CDH18: variants seen among roughly 807,000 people sequenced by gnomAD.
CDH18 encodes the protein cadherin 18, also known as cadherin-18.
A neutral mutation model predicts 67.9 loss-of-function variants in CDH18; 31 were observed. The ratio of observed to expected loss-of-function variants is 0.46; its 90% CI spans 0.34 to 0.62. CDH18 has a LOEUF of 0.62. Ranked by LOEUF, CDH18 falls within the 20% of genes least tolerant of loss-of-function variation. The pLI, the probability that CDH18 is intolerant of heterozygous loss-of-function variation, is 0.01. For synonymous variants in CDH18, 362 were observed against 347.2 expected (o/e 1.04, Z -0.48); for missense variants, 890 against 975.5 (o/e 0.91, Z 1.17).
intron 2 of CDH18, among the ~76,000 whole-genome samples, chr5:19,921,874 C>A (rs1007440167): frequency 6.6e-6 from 1 of 151,654 alleles, no homozygotes; most frequent in Non-Finnish European, 1.5e-5. Context: ...ATAAATATCA[C>A]TAGATACAAC....
At chr5:19,966,739 C>T (rs533855049) in intron 2 of CDH18, among the ~76,000 whole-genome samples, 39 of 151,894 alleles carry the variant, frequency 2.6e-4, no homozygotes, top group African/African-American at 9.2e-4. Context: ...GTTATATATG[C>T]GTGCTTATTC....
chr5:20,280,914 A>C (rs1746209938), intron 1 of CDH18, among the ~76,000 whole-genome samples: 2 of 152,116 alleles, frequency 1.3e-5, no homozygotes, highest in African/African-American at 4.8e-5. Context: ...CTGGTGTGAG[A>C]TGGTATCTCA....
At chr5:19,774,808 C>CAAAAAAAAAAAAAAAAAAAAAA (rs59248561) in intron 3 of CDH18, among the ~76,000 whole-genome samples, 3 of 35,416 alleles carry the variant, frequency 8.5e-5, no homozygotes, top group Non-Finnish European at 1.0e-4. Context: ...GACTCTGTCT[C>CAAAAAAAAAAAAAAAAAAAAAA]AAAAAAAAAA....
At chr5:20,259,140 T>C (rs1180639606) in intron 1 of CDH18, among the ~76,000 whole-genome samples, 4 of 151,610 alleles carry the variant, frequency 2.6e-5, no homozygotes, top group Admixed American at 2.6e-4. Flanking sequence ...AGCACAAGAG[T>C]GAAAGTCTAA....
chr5:19,509,527 T>C (rs568632807), intron 10 of CDH18, among the ~76,000 whole-genome samples: 1 of 152,328 alleles, frequency 6.6e-6, no homozygotes, highest in East Asian at 1.9e-4. Flanking sequence ...CATACATTTA[T>C]TTGATAACAT....
In CDH18 at chr5:20,525,801, TACACAC is replaced by T. The variant is rs61256041; in HGVS notation, c.-580+49655_-580+49660del. 5.0e-3 allele frequency among the ~76,000 whole-genome samples: 746 copies of T among 148,934 alleles called. 5 individuals carry two copies. The highest frequency in any genetic ancestry group is 0.039 in the East Asian group (197 of 5,014). On this transcript the variant is annotated intron_variant, in intron 1 of 14. Coordinates refer to the CDH18 transcript ENST00000507958. ...TCAATTATTTTATATGCTTCCACTATACACACACACACACACACACACACACACACA... is the reference window on the plus strand; with the variant it reads ...TCAATTATTTTATATGCTTCCACTATACACACACACACACACACACACACA...
At chr5:19,685,215 C>T (rs1006704781) in intron 5 of CDH18, among the ~76,000 whole-genome samples, 2 of 152,094 alleles carry the variant, frequency 1.3e-5, no homozygotes, top group African/African-American at 4.8e-5. Flanking sequence ...ATAGCTGTAG[C>T]CAAACAATCA....
intron 3 of CDH18, among the ~76,000 whole-genome samples, chr5:19,785,480 C>T (rs567245483): frequency 3.3e-4 from 50 of 149,940 alleles, no homozygotes; most frequent in African/African-American, 1.1e-3. Flanking sequence ...TGGAGAAACC[C>T]CGTCTCTACT....
chr5:19,890,763 T>G (rs956265549), intron 2 of CDH18, among the ~76,000 whole-genome samples: 1 of 151,998 alleles, frequency 6.6e-6, no homozygotes, highest in Admixed American at 6.6e-5. Context: ...CCTGGCTAAT[T>G]TTTGTATTTT....
intron 1 of CDH18, among the ~76,000 whole-genome samples, chr5:20,464,994 T>A (rs971678009): frequency 7.2e-5 from 11 of 152,106 alleles, no homozygotes; most frequent in Non-Finnish European, 1.6e-4. Context: ...ATTTGTTAAT[T>A]AATGGGACAT....
chr5:20,373,260 C>T (rs1743149919), intron 1 of CDH18, among the ~76,000 whole-genome samples: 1 of 152,166 alleles, frequency 6.6e-6, no homozygotes, highest in Non-Finnish European at 1.5e-5. Context: ...TGACCTATGT[C>T]ACAGACCCTA....
chr5:19,642,825 T>C (rs1406912472), intron 5 of CDH18, among the ~76,000 whole-genome samples: 1 of 152,006 alleles, frequency 6.6e-6, no homozygotes, highest in Non-Finnish European at 1.5e-5. Flanking sequence ...TAGGTAAATA[T>C]AGTTCCATCA....
At chr5:19,848,052 CT>C (rs1783201075) in intron 2 of CDH18, 2 of 152,124 alleles carry the variant, frequency 1.3e-5, no homozygotes, top group Non-Finnish European at 2.9e-5. Context: ...TTGACATACT[CT>C]TTACTCTTCT....
chr5:19,744,395 A>T (rs1769676090), intron 4 of CDH18, among the ~76,000 whole-genome samples: 1 of 152,070 alleles, frequency 6.6e-6, no homozygotes, highest in Non-Finnish European at 1.5e-5. Context: ...CAAGTCCTCA[A>T]CTCACAGCCT....
intron 1 of CDH18, among the ~76,000 whole-genome samples, chr5:20,345,327 A>G (rs78615671): frequency 0.011 from 1,737 of 152,262 alleles, 36 homozygotes; most frequent in African/African-American, 0.04. Flanking sequence ...CGATAAGGCA[A>G]CTTTGCCAAG....
chr5:20,321,375 A>G (rs1355532543), intron 1 of CDH18, among the ~76,000 whole-genome samples: 1 of 152,096 alleles, frequency 6.6e-6, no homozygotes, highest in Non-Finnish European at 1.5e-5. Flanking sequence ...GGGACCAGAT[A>G]ACATATGAGA....
At chr5:19,864,028 G>A (rs930108965) in intron 2 of CDH18, among the ~76,000 whole-genome samples, 1 of 151,154 alleles carries the variant, frequency 6.6e-6, no homozygotes, top group African/African-American at 2.4e-5. Context: ...CCATTACTGG[G>A]TATATACCCA....
intron 2 of CDH18, among the ~76,000 whole-genome samples, chr5:20,048,016 G>A (rs1277802484): frequency 6.6e-6 from 1 of 151,542 alleles, no homozygotes; most frequent in African/African-American, 2.4e-5. Flanking sequence ...CAGAGTTTAA[G>A]GTTTAAAGTT....
intron 2 of CDH18, among the ~76,000 whole-genome samples, chr5:19,869,408 G>A (rs1359780767): frequency 1.3e-5 from 2 of 151,974 alleles, no homozygotes; most frequent in Non-Finnish European, 2.9e-5. Context: ...GGCTAATTTT[G>A]AGCATCTTAT....
Sources: allele counts gnomAD v4.1 joint callset (sites outside exome capture counted in the v4.1 genomes callset), GRCh38; gene constraint gnomAD v4.1.1; transcripts MANE v1.5; gene names NCBI Gene and HGNC (gene_info 2026-07-23, HGNC 2026-07-21).